The following RDM1 variants were observed in gnomAD, a reference collection of about 807,000 sequenced individuals.
RDM1 encodes the protein RAD52 motif containing 1, also known as RAD52 motif-containing protein 1.
In RDM1, 28 loss-of-function variants were observed where a neutral mutation model predicts 27.7. The ratio of observed to expected loss-of-function variants is 1.01; its 90% CI spans 0.75 to 1.39. The LOEUF is 1.39. Ranked by LOEUF, RDM1 falls within the 40% of genes most tolerant of loss-of-function variation. The pLI, the probability that RDM1 is intolerant of heterozygous loss-of-function variation, is 0.00. For synonymous variants in RDM1, 124 were observed against 127.5 expected (o/e 0.97, Z 0.19); for missense variants, 277 against 337.3 (o/e 0.82, Z 1.40).
Position 35,930,695 on chromosome 17 carries a change from G to C in RDM1, c.33C>G (p.Ile11Met). 1 of 1,613,896 alleles carries C rather than the reference G, an allele frequency of 6.2e-7. No homozygotes were observed. The highest frequency in any genetic ancestry group is 1.6e-4 in the Middle Eastern group (1 of 6,062). Reference sequence around the variant, plus strand: ...ACACTAGCAAGGTTTTGTCACTCTCGATGGGAACCGCAAAAGGTACCAACT... The same window carrying C: ...ACACTAGCAAGGTTTTGTCACTCTCCATGGGAACCGCAAAAGGTACCAACT... MAELVPFAVP[I>M]ESDKTLLVWE... Residue 11 changes from isoleucine to methionine, a missense_variant, in exon 1 of 7, where the codon ATC becomes ATG. Transcript: ENST00000620284.
At chr17:35,924,540 G>GA in intron 4 of RDM1, 64 bp downstream of exon 4, 2 of 1,510,752 alleles carry the variant, frequency 1.3e-6, no homozygotes, top group Non-Finnish European at 1.8e-6. Context: ...TGGAAAGTAA[G>GA]AAAAAAAGAA....
chr17:35,925,986 T>A (rs2089133488), intron 2 of RDM1, among the ~76,000 whole-genome samples: 1 of 151,754 alleles, frequency 6.6e-6, no homozygotes, highest in South Asian at 2.1e-4. Context: ...TACTAAAAAT[T>A]AGCCAGGCAT....
chr17:35,924,405 A>G (rs576266019), intron 4 of RDM1, among the ~76,000 whole-genome samples, 199 bp downstream of exon 4: 46 of 152,310 alleles, frequency 3.0e-4, no homozygotes, highest in African/African-American at 9.6e-4. Context: ...TACGATTTTA[A>G]ATTTAAAGGT....
chr17:35,925,398 T>C (rs1383663982), intron 3 of RDM1, 117 bp downstream of exon 3: 2 of 1,079,634 alleles, frequency 1.9e-6, no homozygotes, highest in Non-Finnish European at 2.6e-6. Flanking sequence ...TTATCCTCAA[T>C]GGTAGAGGCC....
intron 2 of RDM1, among the ~76,000 whole-genome samples, chr17:35,928,930 C>T (rs2089238444): frequency 6.6e-6 from 1 of 151,842 alleles, no homozygotes. Context: ...CAAAAATTAG[C>T]CAGGTGTGGT....
intron 3 of RDM1, among the ~76,000 whole-genome samples, chr17:35,925,229 A>G (rs530615455): frequency 1.3e-5 from 2 of 152,226 alleles, no homozygotes; most frequent in African/African-American, 4.8e-5. Flanking sequence ...GAGGTGTCCT[A>G]TGGCTTCAAA....
intron 5 of RDM1, chr17:35,922,168 A>C (rs978953315): frequency 2.6e-5 from 4 of 155,986 alleles, no homozygotes; most frequent in African/African-American, 7.2e-5. Context: ...TGATCCGCCC[A>C]TCTCGGCCTC....
chr17:35,922,158 T>A, intron 5 of RDM1: 1 of 155,090 alleles, frequency 6.4e-6, no homozygotes, highest in Non-Finnish European at 1.4e-5. Context: ...CCTGACCTCG[T>A]GATCCGCCCA....
chr17:35,930,510 TA>T, intron 1 of RDM1, 121 bp downstream of exon 1: 1 of 993,814 alleles, frequency 1.0e-6, no homozygotes, highest in Non-Finnish European at 1.5e-6. Context: ...GGATCCCCTT[TA>T]TAATTAAGAG....
chr17:35,927,036 GA>G (rs201616534), intron 2 of RDM1, among the ~76,000 whole-genome samples: 3,778 of 132,254 alleles, frequency 0.029, 59 homozygotes, highest in Middle Eastern at 0.051. Flanking sequence ...GGAAGCTTCA[GA>G]AAAACTCTGA....
At chr17:35,924,929 A>T (rs906363694) in intron 3 of RDM1, among the ~76,000 whole-genome samples, 157 bp from the exon 4 acceptor site, 2 of 152,222 alleles carry the variant, frequency 1.3e-5, no homozygotes, top group African/African-American at 2.4e-5. Context: ...AGGTCAAGAG[A>T]TTGAGACCAT....
intron 5 of RDM1, chr17:35,922,273 A>T: frequency 3.2e-6 from 1 of 314,756 alleles, no homozygotes; most frequent in Non-Finnish European, 5.7e-6. Context: ...CCATGCGTCC[A>T]AAACTTATAA....
chr17:35,930,282 T>C, intron 1 of RDM1, 27 bp from the exon 2 acceptor site: 1 of 1,613,954 alleles, frequency 6.2e-7, no homozygotes, highest in Non-Finnish European at 8.5e-7. Context: ...AGTAAATGCA[T>C]GAAATCTCAC....
Position 35,918,191 on chromosome 17 carries a change from C to T in RDM1, c.*151G>A, listed in dbSNP as rs2088811681. The T allele has an allele frequency of 3.1e-6, 2 of 650,732 alleles. No individual in the cohort carries two copies. The highest frequency in any genetic ancestry group is 3.6e-5 in the African/African-American group (2 of 55,820). The allele number at this position is 650,732 out of a possible 1,614,324, so 40.3% of individuals were successfully genotyped here. A position where few individuals can be genotyped will look rare whatever the true frequency, so the allele number is the denominator to read the frequency against. ...CCCTTCCCACTCCACCAGAACACCC[C>T]TTCCCTCCCCTTCGCCAGGAAAGAT... On this transcript the variant is annotated 3_prime_UTR_variant, in exon 7 of 7. Transcript: ENST00000620284.
At chr17:35,921,519 C>T (rs1189169359) in intron 5 of RDM1, among the ~76,000 whole-genome samples, 1 of 152,172 alleles carries the variant, frequency 6.6e-6, no homozygotes, top group Non-Finnish European at 1.5e-5. Context: ...ATAGGGAATA[C>T]AAGCAATAGG....
chr17:35,927,115 C>CAA (rs955692533), intron 2 of RDM1, among the ~76,000 whole-genome samples: 33 of 75,456 alleles, frequency 4.4e-4, no homozygotes, highest in South Asian at 1.4e-3. Flanking sequence ...TTCATTTCAC[C>CAA]AAAAAAAAAA....
In RDM1 at chr17:35,922,758, C is replaced by A. The variant is rs543931638; in HGVS notation, c.569-83G>T. The A allele has an allele frequency of 7.9e-6, 9 of 1,133,890 alleles. No homozygotes were observed. The African/African-American group carries it at 1.3e-4, about 16-fold the overall frequency. 70.2% of individuals were successfully genotyped at this position (1,133,890 alleles called of 1,614,324 possible). On this transcript the variant is annotated intron_variant, in intron 4 of 6. Transcript: ENST00000620284. ...TGTTTAAAAAATAAAAAAGCATCCACGATTCTTAGCTCAAAACCTTCATGA... is the reference window on the plus strand; with the variant it reads ...TGTTTAAAAAATAAAAAAGCATCCAAGATTCTTAGCTCAAAACCTTCATGA...
At chr17:35,918,492 T>C (rs2088823137) in intron 6 of RDM1, 49 bp from the exon 7 acceptor site, 6 of 1,464,448 alleles carry the variant, frequency 4.1e-6, no homozygotes, top group Non-Finnish European at 4.8e-6. Flanking sequence ...CACATTACGG[T>C]CATTCATTCC....
At chr17:35,925,455 T>G in intron 3 of RDM1, 60 bp downstream of exon 3, 1 of 1,588,976 alleles carries the variant, frequency 6.3e-7, no homozygotes. Flanking sequence ...CTGTCTAAAA[T>G]CTAGGATTTC....
Sources: allele counts gnomAD v4.1 joint callset (sites outside exome capture counted in the v4.1 genomes callset), GRCh38; gene constraint gnomAD v4.1.1; transcripts MANE v1.5; gene names NCBI Gene and HGNC (gene_info 2026-07-23, HGNC 2026-07-21).